Variants in NCKAP5 observed in about 807,000 individuals in gnomAD.
The protein encoded by NCKAP5 is NCK associated protein 5.
In NCKAP5, 92 loss-of-function variants were observed where a neutral mutation model predicts 167.0. That is an observed-to-expected ratio of 0.55 (90% CI 0.47 to 0.66). The LOEUF (loss-of-function observed/expected upper bound fraction) is 0.66, where lower values mean the gene tolerates loss of function less well. Among genes scored for constraint, NCKAP5 ranks in the 30% least tolerant of loss-of-function variants. The pLI, the probability that NCKAP5 is intolerant of heterozygous loss-of-function variation, is 0.00. For missense variants in NCKAP5, 2,378 were observed against 2,315.0 expected (o/e 1.03, Z -0.56); for synonymous variants, 891 against 877.4 (o/e 1.02, Z -0.27).
At chr2:133,359,995 A>AC (rs1684989789) in intron 3 of NCKAP5, among the ~76,000 whole-genome samples, 1 of 152,236 alleles carries the variant, frequency 6.6e-6, no homozygotes, top group Admixed American at 6.5e-5. Flanking sequence ...TGATTGAACA[A>AC]CAGAAGGTAA....
intron 5 of NCKAP5, among the ~76,000 whole-genome samples, chr2:133,136,776 T>C (rs1226200246): frequency 6.6e-6 from 1 of 152,138 alleles, no homozygotes; most frequent in African/African-American, 2.4e-5. Flanking sequence ...CATGAGCTCA[T>C]TTGAGAAATG....
intron 11 of NCKAP5, among the ~76,000 whole-genome samples, chr2:132,848,227 T>C (rs1279723215): frequency 6.6e-6 from 1 of 152,206 alleles, no homozygotes; most frequent in Non-Finnish European, 1.5e-5. Flanking sequence ...CCTGTCCTGA[T>C]ATAGAATTAA....
the NCKAP5 span, among the ~76,000 whole-genome samples, chr2:133,624,472 G>A: frequency 6.6e-6 from 1 of 151,888 alleles, no homozygotes; most frequent in Admixed American, 6.6e-5. Flanking sequence ...CAGGCTCTTA[G>A]AGTAAGACCA....
At chr2:132,937,780 T>C (rs1204851687) in intron 8 of NCKAP5, among the ~76,000 whole-genome samples, 1 of 152,226 alleles carries the variant, frequency 6.6e-6, no homozygotes, top group Non-Finnish European at 1.5e-5. Context: ...TGTAAACTAT[T>C]GGGCTTCCAC....
chr2:133,255,637 T>C, intron 4 of NCKAP5, among the ~76,000 whole-genome samples: 1 of 152,184 alleles, frequency 6.6e-6, no homozygotes, highest in East Asian at 1.9e-4. Flanking sequence ...AGATACAAGA[T>C]GTCCCATAAA....
intron 5 of NCKAP5, among the ~76,000 whole-genome samples, chr2:133,158,644 A>C (rs896551809): frequency 6.6e-6 from 1 of 152,156 alleles, no homozygotes. Context: ...CCATTACCTC[A>C]TTTATATGTT....
intron 8 of NCKAP5, among the ~76,000 whole-genome samples, chr2:132,881,406 C>T (rs1691738611): frequency 6.6e-6 from 1 of 152,058 alleles, no homozygotes; most frequent in Non-Finnish European, 1.5e-5. Context: ...AACTCCTGAT[C>T]TCAGGTGATC....
intron 3 of NCKAP5, among the ~76,000 whole-genome samples, chr2:133,340,563 A>G (rs569796175): frequency 6.6e-6 from 1 of 152,182 alleles, no homozygotes; most frequent in African/African-American, 2.4e-5. Context: ...ATACCCCCTG[A>G]CAATGCATAA....
intron 6 of NCKAP5, among the ~76,000 whole-genome samples, chr2:133,125,141 A>G (rs1274495164): frequency 6.6e-6 from 1 of 152,152 alleles, no homozygotes; most frequent in African/African-American, 2.4e-5. Flanking sequence ...TGATATGCAC[A>G]ATTATATATA....
At chr2:133,120,537 G>C (rs2082218017) in intron 6 of NCKAP5, among the ~76,000 whole-genome samples, 1 of 148,630 alleles carries the variant, frequency 6.7e-6, no homozygotes, top group Admixed American at 6.6e-5. Context: ...AGAGAGATTG[G>C]TATAAATGTT....
chr2:133,546,317 T>C (rs1686672094), intron 2 of NCKAP5, among the ~76,000 whole-genome samples: 1 of 152,192 alleles, frequency 6.6e-6, no homozygotes, highest in African/African-American at 2.4e-5. Context: ...CAAGAGATTA[T>C]GTATTTTCAA....
intron 18 of NCKAP5, among the ~76,000 whole-genome samples, chr2:132,726,941 A>G (rs566149036): frequency 1.6e-4 from 25 of 152,362 alleles, no homozygotes; most frequent in African/African-American, 5.0e-4. Flanking sequence ...GACCCAGTCC[A>G]GTCTGGACAT....
At chr2:132,960,442 G>A (rs2076478678) in intron 8 of NCKAP5, among the ~76,000 whole-genome samples, 1 of 152,174 alleles carries the variant, frequency 6.6e-6, no homozygotes, top group South Asian at 2.1e-4. Context: ...AAAGGACTGG[G>A]AGGAAACAGA....
chr2:133,245,893 CAG>C (rs1231749696), intron 4 of NCKAP5, among the ~76,000 whole-genome samples: 1 of 94,386 alleles, frequency 1.1e-5, no homozygotes, highest in Non-Finnish European at 2.1e-5. Flanking sequence ...TTGATTTGAT[CAG>C]GAAAAAAAAA....
chr2:133,489,617 T>C (rs1681259032), intron 3 of NCKAP5, among the ~76,000 whole-genome samples: 1 of 152,232 alleles, frequency 6.6e-6, no homozygotes, highest in African/African-American at 2.4e-5. Flanking sequence ...CTTCATTTTA[T>C]TTGTCCAGGT....
In NCKAP5 at chr2:132,785,412, T is replaced by A; in HGVS notation, c.1399A>T (p.Thr467Ser). 1 of 1,613,942 alleles carries A rather than the reference T, an allele frequency of 6.2e-7. No individual in the cohort carries two copies. Among genetic ancestry groups the A allele is most frequent in the Non-Finnish European group, 8.5e-7 (1 of 1,179,892 alleles). ...LGSPCKEPHKTFVYDLDSHVD... is the reference protein window; with the variant it reads ...LGSPCKEPHKSFVYDLDSHVD... ...TGGGAATCTAGATCATAAACAAATG[T>A]CTTGTGGGGTTCCTTGCAGGGGCTC... is the stretch of plus-strand genomic sequence containing the variant. Residue 467 changes from threonine to serine, a missense_variant, in exon 14 of 20, where the codon ACA (threonine) becomes TCA (serine). This residue lies in a region of NCKAP5 where 1,049 missense variants were observed against 1,023.4 expected (regional missense o/e 1.02). Transcript: ENST00000409261.
chr2:133,471,584 G>T (rs996207166), intron 3 of NCKAP5, among the ~76,000 whole-genome samples: 5 of 152,092 alleles, frequency 3.3e-5, no homozygotes, highest in Non-Finnish European at 7.4e-5. Context: ...GTTGGTTGGG[G>T]TATATATACT....
At chr2:133,499,408 A>G (rs900550940) in intron 3 of NCKAP5, among the ~76,000 whole-genome samples, 1 of 152,236 alleles carries the variant, frequency 6.6e-6, no homozygotes, top group Non-Finnish European at 1.5e-5. Flanking sequence ...TAGATGGAAC[A>G]TCATAAACAC....
At chr2:133,115,988 T>C (rs981942208) in intron 6 of NCKAP5, among the ~76,000 whole-genome samples, 20 of 151,734 alleles carry the variant, frequency 1.3e-4, no homozygotes, top group Non-Finnish European at 2.8e-4. Flanking sequence ...GGAAATGATG[T>C]TGAACTCTCT....
Sources: allele counts gnomAD v4.1 joint callset (sites outside exome capture counted in the v4.1 genomes callset), GRCh38; gene constraint gnomAD v4.1.1; regional missense constraint gnomAD v4.1.1; transcripts MANE v1.5; gene names NCBI Gene and HGNC (gene_info 2026-07-23, HGNC 2026-07-21).